FMN2: variants seen among roughly 807,000 people sequenced by gnomAD.
FMN2 encodes the protein formin 2.
FMN2 carries 51 observed loss-of-function variants against 142.3 expected under a neutral mutation model. The ratio of observed to expected loss-of-function variants is 0.36; its 90% CI spans 0.29 to 0.45. FMN2 has a LOEUF of 0.45. Ranked by LOEUF, FMN2 falls within the 20% of genes least tolerant of loss-of-function variation. The probability of loss-of-function intolerance (pLI) is 1.00; values close to 1 mark genes in which losing one functional copy is unlikely to be tolerated. For missense variants in FMN2, 1,936 were observed against 2,122.8 expected (o/e 0.91, Z 1.73); for synonymous variants, 882 against 869.8 (o/e 1.01, Z -0.25).
intron 16 of FMN2, 81 bp from the exon 17 acceptor site, chr1:240,472,291 G>A: frequency 1.1e-6 from 1 of 919,782 alleles, no homozygotes; most frequent in Non-Finnish European, 1.7e-6. Flanking sequence ...TTATTGAGTT[G>A]AGGTTTGCTC....
intron 15 of FMN2, among the ~76,000 whole-genome samples, chr1:240,397,082 C>T (rs1433281145): frequency 6.6e-6 from 1 of 152,196 alleles, no homozygotes; most frequent in East Asian, 1.9e-4. Flanking sequence ...CAACAGTGTA[C>T]AAACATTCCC....
intron 8 of FMN2, among the ~76,000 whole-genome samples, chr1:240,301,022 C>T (rs1222951316): frequency 6.6e-6 from 1 of 151,398 alleles, no homozygotes; most frequent in Non-Finnish European, 1.5e-5. Context: ...ATAATCTTTA[C>T]TTTCTTGGAG....
chr1:240,233,457 A>G (rs1667596768), intron 6 of FMN2, among the ~76,000 whole-genome samples: 1 of 152,166 alleles, frequency 6.6e-6, no homozygotes, highest in Non-Finnish European at 1.5e-5. Flanking sequence ...AAAGCATGTA[A>G]AACCATCTCT....
At chr1:240,300,337 C>T (rs1670153022) in intron 8 of FMN2, among the ~76,000 whole-genome samples, 1 of 152,164 alleles carries the variant, frequency 6.6e-6, no homozygotes, top group Non-Finnish European at 1.5e-5. Flanking sequence ...GGGAGCTCAG[C>T]ATGGTAGAAC....
chr1:240,204,635 C>T (rs917650500), intron 4 of FMN2, among the ~76,000 whole-genome samples: 1 of 152,182 alleles, frequency 6.6e-6, no homozygotes, highest in Admixed American at 6.5e-5. Flanking sequence ...CCTGTAGCCC[C>T]AGCTACGCAG....
intron 2 of FMN2, among the ~76,000 whole-genome samples, chr1:240,138,471 G>A (rs1343193643): frequency 2.0e-5 from 3 of 151,868 alleles, no homozygotes; most frequent in Non-Finnish European, 4.4e-5. Flanking sequence ...AGGCTGAGGC[G>A]GGCGGATCAC....
At chr1:240,204,643 C>T (rs1164712647) in intron 4 of FMN2, among the ~76,000 whole-genome samples, 3 of 152,118 alleles carry the variant, frequency 2.0e-5, no homozygotes, top group Non-Finnish European at 4.4e-5. Flanking sequence ...CCCAGCTACG[C>T]AGGAGGCTGA....
At chr1:240,239,820 A>G (rs1218410671) in intron 6 of FMN2, among the ~76,000 whole-genome samples, 1 of 152,252 alleles carries the variant, frequency 6.6e-6, no homozygotes, top group Non-Finnish European at 1.5e-5. Flanking sequence ...GTCAATAAAC[A>G]TATGCTCAGT....
intron 2 of FMN2, chr1:240,142,698 A>G: frequency 1.2e-6 from 2 of 1,611,370 alleles, no homozygotes; most frequent in Non-Finnish European, 8.5e-7. Flanking sequence ...CTTCCGAAGG[A>G]TAACAAAACT....
chr1:240,100,125 AAATT>A (rs1036807264), intron 1 of FMN2, among the ~76,000 whole-genome samples: 100 of 152,338 alleles, frequency 6.6e-4, no homozygotes, highest in African/African-American at 2.2e-3. Flanking sequence ...TGGGCAGTCA[AAATT>A]AATTATTTTC....
At chr1:240,256,179 A>T (rs1407650724) in intron 6 of FMN2, among the ~76,000 whole-genome samples, 1 of 152,154 alleles carries the variant, frequency 6.6e-6, no homozygotes, top group Non-Finnish European at 1.5e-5. Flanking sequence ...TTGTGGTTAC[A>T]AACTGGTTTT....
intron 2 of FMN2, among the ~76,000 whole-genome samples, chr1:240,153,116 T>A (rs1571992495): frequency 6.6e-6 from 1 of 152,152 alleles, no homozygotes; most frequent in Non-Finnish European, 1.5e-5. Flanking sequence ...GCTGAGTGAT[T>A]GCTGTGTGGC....
intron 15 of FMN2, among the ~76,000 whole-genome samples, chr1:240,397,163 T>C (rs991794469): frequency 1.3e-5 from 2 of 152,192 alleles, no homozygotes; most frequent in Non-Finnish European, 2.9e-5. Flanking sequence ...TGGTGTGAGA[T>C]AGTATCCCAT....
chr1:240,250,171 T>C (rs1363764571), intron 6 of FMN2, among the ~76,000 whole-genome samples: 1 of 152,164 alleles, frequency 6.6e-6, no homozygotes, highest in East Asian at 1.9e-4. Flanking sequence ...CTTGTTCCAA[T>C]TATTAGAGGA....
chr1:240,311,828 T>A (rs1203728682), intron 8 of FMN2, among the ~76,000 whole-genome samples: 1 of 152,218 alleles, frequency 6.6e-6, no homozygotes, highest in Non-Finnish European at 1.5e-5. Flanking sequence ...CCTGTTATTT[T>A]ACTTTATTTT....
intron 16 of FMN2, among the ~76,000 whole-genome samples, chr1:240,465,639 C>T (rs543096967): frequency 6.6e-6 from 1 of 152,270 alleles, no homozygotes; most frequent in South Asian, 2.1e-4. Context: ...GGGCTACTTC[C>T]AGCAAGCCGA....
At chr1:240,351,306 G>A (rs1033536448) in intron 13 of FMN2, among the ~76,000 whole-genome samples, 2 of 152,116 alleles carry the variant, frequency 1.3e-5, no homozygotes, top group African/African-American at 2.4e-5. Flanking sequence ...GAGCTGCTTA[G>A]TAAGGAAAAA....
intron 6 of FMN2, among the ~76,000 whole-genome samples, chr1:240,244,097 T>C (rs1386056689): frequency 1.3e-5 from 2 of 152,226 alleles, no homozygotes; most frequent in South Asian, 4.1e-4. Flanking sequence ...AGTAATCTTA[T>C]CTTTTTCTCT....
At chr1:240,115,145 T>G (rs960843775) in intron 1 of FMN2, among the ~76,000 whole-genome samples, 2 of 152,220 alleles carry the variant, frequency 1.3e-5, no homozygotes, top group African/African-American at 4.8e-5. Flanking sequence ...TTTTCTGGTT[T>G]CTTTAAATAT....
Sources: gnomAD v4.1 joint callset for allele counts (sites outside exome capture counted in the v4.1 genomes callset) on GRCh38, gnomAD v4.1.1 for gene constraint, MANE v1.5 for transcripts, NCBI Gene and HGNC (gene_info 2026-07-23, HGNC 2026-07-21) for gene names.